Variants in RAB27A observed in about 807,000 individuals in gnomAD.
The protein encoded by RAB27A is RAB27A, member RAS oncogene family, also known as ras-related protein Rab-27A.
Under a neutral mutation model 20.8 loss-of-function variants are expected in RAB27A, and 17 were observed. The observed-to-expected ratio is 0.82, with a 90% CI of 0.56 to 1.23. The LOEUF is 1.23. Among genes scored for constraint, RAB27A ranks in the 50% most tolerant of loss-of-function variants. RAB27A has a pLI of 0.00. For missense variants in RAB27A, 277 were observed against 266.7 expected (o/e 1.04, Z -0.27); for synonymous variants, 85 against 92.8 (o/e 0.92, Z 0.48).
At chr15:55,244,308 C>G (rs1595710181) in intron 2 of RAB27A, among the ~76,000 whole-genome samples, 1 of 152,016 alleles carries the variant, frequency 6.6e-6, no homozygotes, top group South Asian at 2.1e-4. Flanking sequence ...GAGGGAGACT[C>G]CATCTCAAAA....
Position 55,275,916 on chromosome 15 carries a change from A to AT in RAB27A, c.-142-5633dup, listed in dbSNP as rs796845139. On this transcript the variant is annotated intron_variant, in intron 1 of 6. Coordinates refer to ENST00000336787, the MANE Select transcript of RAB27A (RefSeq NM_183235.3). ...TACCTCACATCTGCTAGGATGGCTA[A>AT]TTAAAAAAAAAAAAAAAAAAAAAAC... 5.9e-3 allele frequency among the ~76,000 whole-genome samples: 495 copies of AT among 83,984 alleles called. 3 individuals carry two copies. The highest frequency in any genetic ancestry group is 0.021 in the African/African-American group (468 of 22,030). 55.1% of individuals were successfully genotyped at this position (83,984 alleles called of 152,430 possible).
intron 1 of RAB27A, among the ~76,000 whole-genome samples, chr15:55,276,491 G>T (rs1192844995): frequency 2.0e-5 from 3 of 152,176 alleles, no homozygotes; most frequent in Non-Finnish European, 4.4e-5. Context: ...AATTGCTTGA[G>T]CCTATGACTT....
intron 6 of RAB27A, 53 bp from the exon 7 acceptor site, chr15:55,205,758 C>A (rs1300958727): frequency 3.4e-6 from 5 of 1,455,544 alleles, no homozygotes; most frequent in African/African-American, 2.8e-5. Flanking sequence ...AGGAGAGTGA[C>A]CTTTGCTCTT....
At chr15:55,228,812 T>A in intron 4 of RAB27A, 100 bp from the exon 5 acceptor site, 1 of 815,656 alleles carries the variant, frequency 1.2e-6, no homozygotes, top group South Asian at 1.4e-5. Flanking sequence ...AGTTTACCAA[T>A]AACAAGCTAC....
chr15:55,205,982 G>A (rs1011164336), intron 6 of RAB27A, among the ~76,000 whole-genome samples: 1 of 151,948 alleles, frequency 6.6e-6, no homozygotes, highest in African/African-American at 2.4e-5. Context: ...AGGCTCAGGT[G>A]GGCAGATCAC....
intron 1 of RAB27A, among the ~76,000 whole-genome samples, chr15:55,288,185 G>C (rs530248104): frequency 2.6e-5 from 4 of 152,158 alleles, no homozygotes; most frequent in Non-Finnish European, 5.9e-5. Context: ...TCTTGAATTT[G>C]ACAATGTTTT....
At chr15:55,208,719 A>T (rs1434055305) in intron 6 of RAB27A, among the ~76,000 whole-genome samples, 2 of 152,218 alleles carry the variant, frequency 1.3e-5, no homozygotes, top group Non-Finnish European at 2.9e-5. Context: ...GCCAATGCCT[A>T]AACCAAACTC....
intron 1 of RAB27A, among the ~76,000 whole-genome samples, chr15:55,271,536 T>C (rs917048211): frequency 6.6e-6 from 1 of 152,244 alleles, no homozygotes. Context: ...CCTTGGCTCC[T>C]TGTGCCAGCA....
intron 2 of RAB27A, among the ~76,000 whole-genome samples, chr15:55,266,362 G>C (rs1382924337): frequency 6.6e-6 from 1 of 152,156 alleles, no homozygotes; most frequent in Non-Finnish European, 1.5e-5. Context: ...TCCAGTCTAT[G>C]GTACTTTGTT....
At chr15:55,306,969 C>T (rs2054999552) in intron 2 of RAB27A, among the ~76,000 whole-genome samples, 2 of 152,076 alleles carry the variant, frequency 1.3e-5, no homozygotes, top group Admixed American at 1.3e-4. Flanking sequence ...AAATAGCTAG[C>T]GTTGTCTCCT....
exon 2 of RAB27A, chr15:55,314,125 TTGCACTCCAGCC>T (rs1440562005): frequency 6.7e-6 from 1 of 148,404 alleles, no homozygotes; most frequent in African/African-American, 2.5e-5. Context: ...AATCACGCCA[TTGCACTCCAGCC>T]TGGGCATCAC....
intron 2 of RAB27A, among the ~76,000 whole-genome samples, chr15:55,311,472 G>A (rs1678021942): frequency 1.3e-5 from 2 of 152,110 alleles, no homozygotes; most frequent in Admixed American, 1.3e-4. Context: ...GGGTTGAAGG[G>A]GGGTCCTTAT....
At chr15:55,214,211 C>G (rs185936889) in intron 6 of RAB27A, among the ~76,000 whole-genome samples, 1 of 152,078 alleles carries the variant, frequency 6.6e-6, no homozygotes, top group Non-Finnish European at 1.5e-5. Context: ...CCAAGGCGGG[C>G]GGATCACGAA....
upstream of RAB27A, among the ~76,000 whole-genome samples, chr15:55,293,842 G>A (rs963649507): frequency 3.9e-5 from 6 of 152,074 alleles, no homozygotes; most frequent in Admixed American, 2.0e-4. Flanking sequence ...GCTTGAACCC[G>A]GGAGGTGGAG....
chr15:55,252,723 CA>C (rs780376638), intron 2 of RAB27A, among the ~76,000 whole-genome samples: 2 of 150,750 alleles, frequency 1.3e-5, no homozygotes, highest in Admixed American at 6.6e-5. Flanking sequence ...TATCTATATA[CA>C]AAAAAAAAGA....
At chr15:55,315,451 A>C (rs908447050) in intron 1 of RAB27A, among the ~76,000 whole-genome samples, 7 of 152,326 alleles carry the variant, frequency 4.6e-5, no homozygotes, top group African/African-American at 1.4e-4. Flanking sequence ...AAAAGAAACT[A>C]TCGTGAGAGT....
chr15:55,205,792 T>C (rs1894621195), intron 6 of RAB27A, 87 bp from the exon 7 acceptor site: 6 of 1,211,444 alleles, frequency 5.0e-6, no homozygotes, highest in South Asian at 4.9e-5. Flanking sequence ...AGAGAATCGA[T>C]AGAATACAAA....
intron 2 of RAB27A, among the ~76,000 whole-genome samples, chr15:55,257,379 C>T (rs201463400): frequency 1.3e-5 from 2 of 152,122 alleles, no homozygotes; most frequent in African/African-American, 4.8e-5. Context: ...CATGACTGTA[C>T]AAGCCACAGA....
chr15:55,299,665 G>C (rs1272234987), intron 2 of RAB27A, among the ~76,000 whole-genome samples: 2 of 150,390 alleles, frequency 1.3e-5, no homozygotes. Context: ...AAGGAAACAA[G>C]AGACATGACA....
Sources: gnomAD v4.1 joint callset for allele counts (sites outside exome capture counted in the v4.1 genomes callset) on GRCh38, gnomAD v4.1.1 for gene constraint, MANE v1.5 for transcripts, NCBI Gene and HGNC (gene_info 2026-07-23, HGNC 2026-07-21) for gene names.